Variants in RBFOX3 observed in about 807,000 individuals in gnomAD.
The protein encoded by RBFOX3 is RNA binding fox-1 homolog 3.
A neutral mutation model predicts 48.7 loss-of-function variants in RBFOX3; 17 were observed. That is an observed-to-expected ratio of 0.35 (90% CI 0.24 to 0.52). RBFOX3 has a LOEUF of 0.52. RBFOX3 is among the 20% of genes least tolerant of loss of function. The pLI is 0.94. For missense variants in RBFOX3, 382 were observed against 497.5 expected (o/e 0.77, Z 2.21); for synonymous variants, 212 against 209.5 (o/e 1.01, Z -0.10).
chr17:79,420,218 G>A (rs565381124), intron 2 of RBFOX3, among the ~76,000 whole-genome samples: 1 of 151,154 alleles, frequency 6.6e-6, no homozygotes, highest in South Asian at 2.1e-4. Context: ...CAAATCTGAT[G>A]TTTAAAAAAC....
intron 2 of RBFOX3, among the ~76,000 whole-genome samples, chr17:79,382,101 C>G (rs1016242461): frequency 6.6e-6 from 1 of 152,200 alleles, no homozygotes; most frequent in Non-Finnish European, 1.5e-5. Flanking sequence ...AATAGGAGAC[C>G]GTGCTGGGCT....
chr17:79,158,484 C>T (rs1292878944), intron 4 of RBFOX3, among the ~76,000 whole-genome samples: 3 of 152,134 alleles, frequency 2.0e-5, no homozygotes, highest in Non-Finnish European at 4.4e-5. Context: ...CTTACACTTC[C>T]CCACGACTCA....
the RBFOX3 span, among the ~76,000 whole-genome samples, chr17:79,635,758 C>T: frequency 6.6e-6 from 1 of 152,072 alleles, no homozygotes; most frequent in Non-Finnish European, 1.5e-5. Flanking sequence ...AAAGCATGAA[C>T]AACGAGTGGG....
chr17:79,311,949 G>A lies in RBFOX3; in HGVS notation c.-174-4125C>T, dbSNP rs963800753. Among the ~76,000 whole-genome samples, 3 of 152,082 alleles carry A rather than the reference G, an allele frequency of 2.0e-5. No individual in the cohort carries two copies. The highest frequency in any genetic ancestry group is 2.1e-4 in the South Asian group (1 of 4,824). On this transcript the variant is annotated intron_variant, in intron 2 of 14. Transcript: ENST00000693108. The surrounding 1 kb of genome is among the most constrained non-coding windows in gnomAD (Gnocchi z 4.2). ...ACAACCCAGGTGCCAGCTTCAGCTC[G>A]GGCCTGAAAATCCCTCCCCGTCAGA...
At chr17:79,325,449 TG>T (rs1287420051) in intron 2 of RBFOX3, among the ~76,000 whole-genome samples, 1 of 152,170 alleles carries the variant, frequency 6.6e-6, no homozygotes, top group African/African-American at 2.4e-5. Context: ...TATCCCTAAA[TG>T]TCAACTACCC....
the RBFOX3 span, among the ~76,000 whole-genome samples, chr17:79,635,110 C>G: frequency 7.8e-6 from 1 of 128,984 alleles, no homozygotes; most frequent in Non-Finnish European, 1.6e-5. Context: ...AACGTTGGCA[C>G]TGACATAGAT....
At chr17:79,625,532 T>C in the RBFOX3 span, among the ~76,000 whole-genome samples, 1 of 152,322 alleles carries the variant, frequency 6.6e-6, no homozygotes, top group Admixed American at 6.5e-5. Flanking sequence ...GGCTCACACC[T>C]GTAATCCCAG....
chr17:79,090,127 G>C lies in RBFOX3; in HGVS notation c.*756C>G, dbSNP rs767193102. On this transcript the variant is annotated 3_prime_UTR_variant, in exon 15 of 15. Coordinates refer to ENST00000693108, the MANE Select transcript of RBFOX3 (RefSeq NM_001350451.2). ...AAGAGCAAGTAAGTCCTTGGCCTCA[G>C]GGCCCACTTGGCCACACTTGGAGGT... 1 of 152,386 alleles carries C rather than the reference G, an allele frequency of 6.6e-6. No homozygotes were observed. The highest frequency in any genetic ancestry group is 1.5e-5 in the Non-Finnish European group (1 of 68,150). 9.4% of individuals were successfully genotyped at this position (152,386 alleles called of 1,614,324 possible). A position where few individuals can be genotyped will look rare whatever the true frequency, so the allele number is the denominator to read the frequency against.
At chr17:79,178,459 A>G (rs970747856) in intron 4 of RBFOX3, among the ~76,000 whole-genome samples, 2 of 152,214 alleles carry the variant, frequency 1.3e-5, no homozygotes, top group African/African-American at 4.8e-5. Flanking sequence ...GGAGAAAGCG[A>G]CATGGACTCG....
chr17:79,191,443 C>T (rs1305505796), intron 4 of RBFOX3, among the ~76,000 whole-genome samples: 1 of 152,236 alleles, frequency 6.6e-6, no homozygotes, highest in Non-Finnish European at 1.5e-5. Context: ...GCACTCTGTT[C>T]GTCCCCTGCC....
chr17:79,340,378 C>A (rs923106652), intron 2 of RBFOX3, among the ~76,000 whole-genome samples: 1 of 152,082 alleles, frequency 6.6e-6, no homozygotes, highest in African/African-American at 2.4e-5. Flanking sequence ...CCAGCAGCTG[C>A]CTTCCGCAAG....
intron 3 of RBFOX3, among the ~76,000 whole-genome samples, chr17:79,256,375 G>A (rs1377113689): frequency 6.6e-6 from 1 of 152,130 alleles, no homozygotes; most frequent in Non-Finnish European, 1.5e-5. Flanking sequence ...GCTTGTGCCG[G>A]CCACCGGCTC....
chr17:79,274,351 C>T (rs73999977), intron 3 of RBFOX3, among the ~76,000 whole-genome samples: 5,097 of 152,246 alleles, frequency 0.033, 274 homozygotes, highest in African/African-American at 0.12. Context: ...ACCGCCTCAT[C>T]GGATGTCATG....
the RBFOX3 span, among the ~76,000 whole-genome samples, chr17:79,651,269 G>C: frequency 6.6e-6 from 1 of 152,220 alleles, no homozygotes; most frequent in African/African-American, 2.4e-5. Flanking sequence ...CCTAGATAGA[G>C]AGGGTCTGTG....
chr17:79,207,826 C>T (rs1324648152), intron 4 of RBFOX3, among the ~76,000 whole-genome samples: 1 of 152,250 alleles, frequency 6.6e-6, no homozygotes, highest in Non-Finnish European at 1.5e-5. Flanking sequence ...CCTTTCCCTC[C>T]CCTTCTCTCT....
At chr17:79,112,825 C>T (rs536233575) in intron 5 of RBFOX3, among the ~76,000 whole-genome samples, 71 of 144,704 alleles carry the variant, frequency 4.9e-4, no homozygotes, top group African/African-American at 1.7e-3. Flanking sequence ...CCCCAGTGGC[C>T]TCTGGGTGGC....
At chr17:79,303,886 T>C (rs978244608) in intron 3 of RBFOX3, among the ~76,000 whole-genome samples, 2 of 150,808 alleles carry the variant, frequency 1.3e-5, no homozygotes, top group South Asian at 4.2e-4. Context: ...TGTGCATGTG[T>C]GTACTTGGCC....
intron 2 of RBFOX3, among the ~76,000 whole-genome samples, chr17:79,380,080 C>CCT (rs952329390): frequency 6.6e-6 from 1 of 152,060 alleles, no homozygotes; most frequent in African/African-American, 2.4e-5. Context: ...GCAGCCCCTT[C>CCT]CTCTCCTAGT....
At chr17:79,453,434 T>A (rs2073919423) in intron 2 of RBFOX3, among the ~76,000 whole-genome samples, 1 of 152,014 alleles carries the variant, frequency 6.6e-6, no homozygotes, top group African/African-American at 2.4e-5. Context: ...AGCTCAGTGG[T>A]CACAGAGGGA....
Sources: allele counts gnomAD v4.1 joint callset (sites outside exome capture counted in the v4.1 genomes callset), GRCh38; gene constraint gnomAD v4.1.1; non-coding constraint Gnocchi (gnomAD v3.1); transcripts MANE v1.5; gene names NCBI Gene and HGNC (gene_info 2026-07-23, HGNC 2026-07-21).